The following CADPS2 variants were observed in gnomAD, a reference collection of about 807,000 sequenced individuals.
The protein encoded by CADPS2 is calcium-dependent secretion activator 2.
A neutral mutation model predicts 172.5 loss-of-function variants in CADPS2; 93 were observed. That is an observed-to-expected ratio of 0.54 (90% confidence interval 0.46 to 0.64). The LOEUF (loss-of-function observed/expected upper bound fraction) is 0.64. Among genes scored for constraint, CADPS2 ranks in the 30% least tolerant of loss-of-function variants. The probability of loss-of-function intolerance (pLI) is 0.00; values close to 1 mark genes in which losing one functional copy is unlikely to be tolerated. For synonymous variants in CADPS2, 546 were observed against 555.2 expected (o/e 0.98, Z 0.23); for missense variants, 1,420 against 1,565.9 (o/e 0.91, Z 1.57).
At chr7:122,557,767 T>A (rs1430117176) in intron 7 of CADPS2, among the ~76,000 whole-genome samples, 1 of 152,328 alleles carries the variant, frequency 6.6e-6, no homozygotes, top group East Asian at 1.9e-4. Context: ...GCTGGCTATT[T>A]GCCACGATTC....
chr7:122,615,443 T>A, intron 5 of CADPS2, 144 bp from the exon 6 acceptor site: 1 of 479,422 alleles, frequency 2.1e-6, no homozygotes. Context: ...TATTTTATCT[T>A]CTTTATAATC....
intron 1 of CADPS2, among the ~76,000 whole-genome samples, chr7:122,758,990 T>C (rs1431248695): frequency 7.1e-6 from 1 of 140,318 alleles, no homozygotes; most frequent in Admixed American, 7.0e-5. Context: ...CCTAGGATTT[T>C]CTTATTTCAG....
intron 9 of CADPS2, among the ~76,000 whole-genome samples, chr7:122,501,378 C>A (rs778553614): frequency 1.1e-4 from 17 of 152,086 alleles, no homozygotes; most frequent in Non-Finnish European, 1.8e-4. Flanking sequence ...TCAAAACTCA[C>A]TAAATCATAA....
chr7:122,654,241 C>T (rs1588153388), intron 3 of CADPS2, among the ~76,000 whole-genome samples: 1 of 152,184 alleles, frequency 6.6e-6, no homozygotes. Flanking sequence ...GTAGAAGCTG[C>T]AGTAAGTTAT....
chr7:122,844,320 A>C (rs1463415619), intron 1 of CADPS2, among the ~76,000 whole-genome samples: 2 of 152,242 alleles, frequency 1.3e-5, no homozygotes, highest in Non-Finnish European at 2.9e-5. Context: ...ATAGTTTTAA[A>C]GTTAAAAAAA....
chr7:122,612,390 T>C (rs1173539095), intron 6 of CADPS2, among the ~76,000 whole-genome samples: 1 of 151,896 alleles, frequency 6.6e-6, no homozygotes, highest in Non-Finnish European at 1.5e-5. Flanking sequence ...TAATTATATT[T>C]CTAATAACTT....
intron 2 of CADPS2, among the ~76,000 whole-genome samples, chr7:122,735,393 T>C (rs1477761687): frequency 6.6e-6 from 1 of 152,140 alleles, no homozygotes; most frequent in East Asian, 1.9e-4. Context: ...ACTTTTTTTA[T>C]TCATATATGG....
intron 20 of CADPS2, among the ~76,000 whole-genome samples, chr7:122,405,708 T>A (rs967717944): frequency 1.3e-5 from 2 of 152,142 alleles, no homozygotes; most frequent in Non-Finnish European, 2.9e-5. Context: ...GAATGAATGA[T>A]TCGCATATGG....
intron 24 of CADPS2, among the ~76,000 whole-genome samples, chr7:122,380,205 G>A (rs1433719401): frequency 6.6e-6 from 1 of 151,918 alleles, no homozygotes; most frequent in Non-Finnish European, 1.5e-5. Context: ...ATTAGCAGAA[G>A]CTTTGGCTTC....
At chr7:122,550,602 C>CT (rs11330756) in intron 8 of CADPS2, among the ~76,000 whole-genome samples, 1 of 151,864 alleles carries the variant, frequency 6.6e-6, no homozygotes, top group African/African-American at 2.4e-5. Flanking sequence ...TTTTATTTTA[C>CT]TTTTTTTGGT....
At chr7:122,812,128 T>A (rs980165035) in intron 1 of CADPS2, among the ~76,000 whole-genome samples, 1 of 152,086 alleles carries the variant, frequency 6.6e-6, no homozygotes, top group African/African-American at 2.4e-5. Flanking sequence ...CAGGGATTCC[T>A]GAAGCAAATC....
At chr7:122,649,746 T>C (rs1381548745) in intron 3 of CADPS2, among the ~76,000 whole-genome samples, 1 of 152,126 alleles carries the variant, frequency 6.6e-6, no homozygotes, top group Non-Finnish European at 1.5e-5. Flanking sequence ...ATCTATATGA[T>C]TTATACATCT....
At chr7:122,549,875 A>G (rs2064034281) in intron 8 of CADPS2, among the ~76,000 whole-genome samples, 1 of 152,110 alleles carries the variant, frequency 6.6e-6, no homozygotes, top group Non-Finnish European at 1.5e-5. Context: ...TTGCTTTGTG[A>G]AAGAACAGAC....
chr7:122,717,365 C>T (rs1321349467), intron 2 of CADPS2, among the ~76,000 whole-genome samples: 1 of 152,040 alleles, frequency 6.6e-6, no homozygotes, highest in Non-Finnish European at 1.5e-5. Context: ...AACCAGATTA[C>T]AAATAATTAT....
intron 6 of CADPS2, among the ~76,000 whole-genome samples, chr7:122,593,219 G>C (rs985956265): frequency 5.8e-4 from 88 of 151,718 alleles, no homozygotes; most frequent in African/African-American, 2.1e-3. Flanking sequence ...AATTCTGCAT[G>C]GCAATATATA....
intron 2 of CADPS2, among the ~76,000 whole-genome samples, chr7:122,721,156 G>C (rs1374501021): frequency 6.6e-6 from 1 of 151,938 alleles, no homozygotes; most frequent in Non-Finnish European, 1.5e-5. Context: ...AGCTGGTAAA[G>C]TCGGCCAGGA....
intron 2 of CADPS2, among the ~76,000 whole-genome samples, chr7:122,713,332 T>A (rs1478092691): frequency 6.6e-6 from 1 of 152,140 alleles, no homozygotes; most frequent in Non-Finnish European, 1.5e-5. Flanking sequence ...GCTCTACAAC[T>A]TAGGCAACCT....
chr7:122,771,232 T>A (rs2093695741), intron 1 of CADPS2, among the ~76,000 whole-genome samples: 1 of 152,204 alleles, frequency 6.6e-6, no homozygotes, highest in Non-Finnish European at 1.5e-5. Context: ...CTTTATCATA[T>A]GAATGTTGAA....
At chr7:122,466,560 T>C (rs1156246186) in intron 14 of CADPS2, among the ~76,000 whole-genome samples, 1 of 152,156 alleles carries the variant, frequency 6.6e-6, no homozygotes, top group African/African-American at 2.4e-5. Context: ...TGAAACCTGT[T>C]TGTGGTATGT....
Sources: gnomAD v4.1 joint callset for allele counts (sites outside exome capture counted in the v4.1 genomes callset) on GRCh38, gnomAD v4.1.1 for gene constraint, MANE v1.5 for transcripts, NCBI Gene and HGNC (gene_info 2026-07-23, HGNC 2026-07-21) for gene names.